NAALADL2: variants seen among roughly 807,000 people sequenced by gnomAD.
NAALADL2 encodes the protein inactive N-acetylated-alpha-linked acidic dipeptidase-like protein 2.
In NAALADL2, 76 loss-of-function variants were observed where a neutral mutation model predicts 87.2. That is an observed-to-expected ratio of 0.87 (90% confidence interval 0.72 to 1.05). The LOEUF is 1.05. NAALADL2 is among the 50% of genes least tolerant of loss of function. NAALADL2 has a pLI of 0.00. For missense variants in NAALADL2, 1,089 were observed against 945.8 expected (o/e 1.15, Z -1.99); for synonymous variants, 354 against 331.0 (o/e 1.07, Z -0.75).
At chr3:174,639,816 T>C (rs1722996074) in intron 2 of NAALADL2, among the ~76,000 whole-genome samples, 1 of 152,244 alleles carries the variant, frequency 6.6e-6, no homozygotes, top group African/African-American at 2.4e-5. Context: ...ATCTTGTTAA[T>C]ATTGTCATTA....
At chr3:174,496,510 T>TTATATA (rs5854577) in intron 1 of NAALADL2, among the ~76,000 whole-genome samples, 78 of 145,730 alleles carry the variant, frequency 5.4e-4, no homozygotes, top group African/African-American at 1.5e-3. Flanking sequence ...TATTTATATA[T>TTATATA]TATATATATA....
intron 11 of NAALADL2, among the ~76,000 whole-genome samples, chr3:175,643,613 T>A (rs1729585017): frequency 6.6e-6 from 1 of 152,142 alleles, no homozygotes; most frequent in South Asian, 2.1e-4. Context: ...AAGATGGATG[T>A]TTTAAGTCAG....
intron 3 of NAALADL2, among the ~76,000 whole-genome samples, chr3:175,236,794 T>C (rs1326902443): frequency 6.6e-6 from 1 of 152,172 alleles, no homozygotes; most frequent in African/African-American, 2.4e-5. Context: ...TTGTACGTAA[T>C]TGTATGTTTG....
At chr3:175,672,390 TG>T (rs1734121198) in intron 11 of NAALADL2, among the ~76,000 whole-genome samples, 1 of 152,298 alleles carries the variant, frequency 6.6e-6, no homozygotes, top group South Asian at 2.1e-4. Flanking sequence ...CCTCTTATCC[TG>T]TGGATGCTAT....
chr3:175,281,133 T>A (rs1754255091), intron 4 of NAALADL2, among the ~76,000 whole-genome samples: 1 of 150,746 alleles, frequency 6.6e-6, no homozygotes, highest in Non-Finnish European at 1.5e-5. Context: ...TATATATATA[T>A]AAATGGATTG....
intron 7 of NAALADL2, among the ~76,000 whole-genome samples, chr3:175,464,086 T>G (rs535147541): frequency 1.3e-5 from 2 of 152,284 alleles, no homozygotes; most frequent in African/African-American, 4.8e-5. Flanking sequence ...TCCACCAGCC[T>G]TGGCCTCCCA....
chr3:174,491,713 C>T (rs191029431), intron 1 of NAALADL2, among the ~76,000 whole-genome samples: 16 of 152,044 alleles, frequency 1.1e-4, no homozygotes, highest in African/African-American at 3.4e-4. Context: ...CCTAACATAT[C>T]ATATCATATA....
At chr3:175,711,836 T>TA (rs11425633) in intron 11 of NAALADL2, among the ~76,000 whole-genome samples, 36,863 of 151,580 alleles carry the variant, frequency 0.24, 5,445 homozygotes, top group African/African-American at 0.42. Flanking sequence ...TTTCAGTTTT[T>TA]AAAAAAATGA....
intron 3 of NAALADL2, among the ~76,000 whole-genome samples, chr3:174,777,248 A>C (rs1715323606): frequency 6.6e-6 from 1 of 152,122 alleles, no homozygotes; most frequent in African/African-American, 2.4e-5. Flanking sequence ...TTTATAGTTC[A>C]TTTTAATTAA....
intron 3 of NAALADL2, among the ~76,000 whole-genome samples, chr3:174,809,236 C>T (rs1012157185): frequency 1.4e-4 from 22 of 152,198 alleles, no homozygotes; most frequent in African/African-American, 5.1e-4. Context: ...GGGATATATA[C>T]GCAGGCTCCA....
At chr3:174,808,987 C>T (rs1317598299) in intron 3 of NAALADL2, among the ~76,000 whole-genome samples, 1 of 151,910 alleles carries the variant, frequency 6.6e-6, no homozygotes, top group Non-Finnish European at 1.5e-5. Flanking sequence ...TTTATAGAAC[C>T]ACAGAATTCT....
chr3:175,511,582 T>A (rs1731159317), intron 9 of NAALADL2, among the ~76,000 whole-genome samples: 1 of 152,184 alleles, frequency 6.6e-6, no homozygotes, highest in Admixed American at 6.5e-5. Context: ...AAAATACATT[T>A]CTGTTGTTTA....
At chr3:175,305,774 G>A (rs929921886) in intron 4 of NAALADL2, among the ~76,000 whole-genome samples, 3 of 151,930 alleles carry the variant, frequency 2.0e-5, no homozygotes, top group Non-Finnish European at 4.4e-5. Flanking sequence ...CACCTGCCTC[G>A]GCCTCCCAAA....
chr3:175,696,338 G>C (rs572480915), intron 11 of NAALADL2, among the ~76,000 whole-genome samples: 35 of 152,092 alleles, frequency 2.3e-4, no homozygotes, highest in Admixed American at 1.1e-3. Flanking sequence ...GAGAAATAAA[G>C]TAGTGTTATG....
chr3:175,208,976 C>T (rs996436974), intron 2 of NAALADL2, among the ~76,000 whole-genome samples: 6 of 152,128 alleles, frequency 3.9e-5, no homozygotes, highest in Non-Finnish European at 7.4e-5. Flanking sequence ...AAATCTATTG[C>T]CTTTGCAGTG....
At chr3:174,525,553 C>T (rs1720667843) in intron 1 of NAALADL2, among the ~76,000 whole-genome samples, 1 of 152,112 alleles carries the variant, frequency 6.6e-6, no homozygotes, top group South Asian at 2.1e-4. Context: ...GATCCAGTCA[C>T]CCCCCAACCA....
intron 5 of NAALADL2, among the ~76,000 whole-genome samples, chr3:175,347,940 G>A (rs947650824): frequency 6.6e-6 from 1 of 152,014 alleles, no homozygotes; most frequent in Non-Finnish European, 1.5e-5. Flanking sequence ...CTGTGTCCAT[G>A]TGTTCTCATT....
In NAALADL2 at chr3:174,693,631, G is replaced by A. The variant is rs570147556; in HGVS notation, c.-114-44010G>A. Reference sequence around the variant, plus strand: ...ATAAAAACAGTTACTGCAATTTAGCGAGTGGAATTGAAGAAGCAAGAAAAG... The same window carrying A: ...ATAAAAACAGTTACTGCAATTTAGCAAGTGGAATTGAAGAAGCAAGAAAAG... On this transcript the variant is annotated intron_variant, in intron 2 of 3. Transcript: ENST00000434257. Among the ~76,000 whole-genome samples, 9 of 152,184 alleles carry A rather than the reference G, an allele frequency of 5.9e-5. No homozygotes were observed. The South Asian group carries it at 1.9e-3, about 32-fold the overall frequency.
intron 13 of NAALADL2, among the ~76,000 whole-genome samples, chr3:175,789,318 A>C (rs2108279563): frequency 6.6e-6 from 1 of 152,222 alleles, no homozygotes; most frequent in East Asian, 1.9e-4. Context: ...AGTTTCTGCG[A>C]CTTTATTTGT....
Sources: gnomAD v4.1 joint callset for allele counts (sites outside exome capture counted in the v4.1 genomes callset) on GRCh38, gnomAD v4.1.1 for gene constraint, MANE v1.5 for transcripts, NCBI Gene and HGNC (gene_info 2026-07-23, HGNC 2026-07-21) for gene names.